ZMIZ1: variants seen among roughly 807,000 people sequenced by gnomAD.
ZMIZ1 encodes zinc finger MIZ-type containing 1.
ZMIZ1 carries 17 observed loss-of-function variants against 113.9 expected under a neutral mutation model. The observed-to-expected ratio is 0.15, with a 90% CI of 0.10 to 0.22. The LOEUF is 0.22. Among genes scored for constraint, ZMIZ1 ranks in the 10% least tolerant of loss-of-function variants. The pLI is 1.00. For missense variants in ZMIZ1, 1,059 were observed against 1,477.8 expected, an observed-to-expected ratio of 0.72 and a Z score of 4.65; for synonymous variants, 607 against 603.1, an observed-to-expected ratio of 1.01 and a Z score of -0.09.
chr10:79,105,381 C>T (rs1305684784), intron 1 of ZMIZ1, among the ~76,000 whole-genome samples: 1 of 152,246 alleles, frequency 6.6e-6, no homozygotes, highest in Middle Eastern at 3.2e-3. Flanking sequence ...GCCATTGGCC[C>T]ACCTCTCTGA....
intron 3 of ZMIZ1, among the ~76,000 whole-genome samples, chr10:79,150,216 C>T (rs1353362343): frequency 2.0e-5 from 3 of 152,234 alleles, no homozygotes; most frequent in South Asian, 2.1e-4. Flanking sequence ...GGCCACCCGC[C>T]CACCCAACAG....
At chr10:79,120,776 T>G (rs754478257) in intron 2 of ZMIZ1, among the ~76,000 whole-genome samples, 4 of 152,236 alleles carry the variant, frequency 2.6e-5, no homozygotes, top group Non-Finnish European at 5.9e-5. Context: ...ATGTGGGGGC[T>G]GTTCCTCTCC....
chr10:79,108,046 G>A (rs1843619011), intron 1 of ZMIZ1, among the ~76,000 whole-genome samples: 1 of 152,190 alleles, frequency 6.6e-6, no homozygotes. Context: ...ACAGTCACCA[G>A]TGATCTGCTT....
intron 4 of ZMIZ1, among the ~76,000 whole-genome samples, chr10:79,166,270 C>T (rs543923215): frequency 5.3e-5 from 8 of 152,356 alleles, no homozygotes; most frequent in African/African-American, 1.9e-4. Flanking sequence ...GCCACTGTGT[C>T]ACTGCTTCTT....
At chr10:79,077,425 G>A (rs1842509564) in intron 1 of ZMIZ1, among the ~76,000 whole-genome samples, 1 of 151,952 alleles carries the variant, frequency 6.6e-6, no homozygotes, top group Non-Finnish European at 1.5e-5. Context: ...CCAGAGAGGT[G>A]GTGGGATTGG....
At chr10:79,258,148 G>A (rs1851037836) in intron 7 of ZMIZ1, among the ~76,000 whole-genome samples, 2 of 152,212 alleles carry the variant, frequency 1.3e-5, no homozygotes, top group Non-Finnish European at 1.5e-5. Context: ...TTGGGAGGCT[G>A]AGACAGGAGG....
intron 1 of ZMIZ1, among the ~76,000 whole-genome samples, chr10:79,099,220 G>T (rs1391993998): frequency 6.6e-6 from 1 of 152,086 alleles, no homozygotes. Flanking sequence ...TCACTGTGGT[G>T]CACCTGCTGG....
At chr10:79,150,054 C>T (rs1845650813) in intron 3 of ZMIZ1, among the ~76,000 whole-genome samples, 1 of 152,212 alleles carries the variant, frequency 6.6e-6, no homozygotes, top group Non-Finnish European at 1.5e-5. Flanking sequence ...CTCCCTCTCC[C>T]CTGGGCTGGG....
intron 4 of ZMIZ1, among the ~76,000 whole-genome samples, chr10:79,184,555 C>G (rs954394767): frequency 1.3e-5 from 2 of 152,212 alleles, no homozygotes; most frequent in African/African-American, 4.8e-5. Flanking sequence ...TGCAATCACC[C>G]GCCCCCTCTC....
intron 1 of ZMIZ1, among the ~76,000 whole-genome samples, chr10:79,070,419 C>T (rs1842224616): frequency 6.7e-6 from 1 of 149,570 alleles, no homozygotes; most frequent in African/African-American, 2.4e-5. Flanking sequence ...GAGACTGCCC[C>T]GGAGCCGCCG....
At chr10:79,230,773 A>C (rs1028830367) in intron 7 of ZMIZ1, among the ~76,000 whole-genome samples, 1 of 152,240 alleles carries the variant, frequency 6.6e-6, no homozygotes, top group African/African-American at 2.4e-5. Flanking sequence ...GAGGATGTGC[A>C]GGTGGCCCAG....
chr10:79,192,534 C>G (rs529929079), intron 4 of ZMIZ1, among the ~76,000 whole-genome samples: 2 of 152,346 alleles, frequency 1.3e-5, no homozygotes, highest in African/African-American at 2.4e-5. Flanking sequence ...CATCTGAACT[C>G]TGGTGGGGCA....
intron 17 of ZMIZ1, 39 bp from the exon 18 acceptor site, chr10:79,302,068 A>G: frequency 1.2e-6 from 2 of 1,601,592 alleles, no homozygotes; most frequent in Non-Finnish European, 1.7e-6. Flanking sequence ...GGGTGTGGGG[A>G]CAGTGCACAG....
At chr10:79,195,825 G>T (rs141407362) in intron 4 of ZMIZ1, among the ~76,000 whole-genome samples, 1 of 152,236 alleles carries the variant, frequency 6.6e-6, no homozygotes, top group Non-Finnish European at 1.5e-5. Flanking sequence ...CAGCTGGAAA[G>T]GTAGAGGGTT....
intron 7 of ZMIZ1, among the ~76,000 whole-genome samples, chr10:79,272,195 A>G (rs1458322869): frequency 1.3e-5 from 2 of 152,118 alleles, no homozygotes; most frequent in East Asian, 3.8e-4. Flanking sequence ...CTGAGGCACA[A>G]GAATCGCTTG....
intron 3 of ZMIZ1, among the ~76,000 whole-genome samples, chr10:79,142,900 C>T (rs911705663): frequency 6.6e-6 from 1 of 152,252 alleles, no homozygotes; most frequent in Non-Finnish European, 1.5e-5. Flanking sequence ...CCCTATTGAG[C>T]ACCTGAGCAT....
chr10:79,073,273 C>T (rs908916707), intron 1 of ZMIZ1, among the ~76,000 whole-genome samples: 3 of 152,212 alleles, frequency 2.0e-5, no homozygotes, highest in South Asian at 4.1e-4. Context: ...GGGCATGAGT[C>T]CCCTAGGCAT....
chr10:79,296,441 GT>G lies in ZMIZ1; in HGVS notation c.1231-27del, dbSNP rs1853894692. 6.2e-7 allele frequency: 1 copy of G among 1,612,404 alleles called. No individual in the cohort carries two copies. Among genetic ancestry groups the G allele is most frequent in the Non-Finnish European group, 8.5e-7 (1 of 1,178,948 alleles). ...ATGTGACGTTGGCAACATTGAACGTGTTTCCCCTCTCCTTTCTCTCCCACCA... is the reference window on the plus strand; with the variant it reads ...ATGTGACGTTGGCAACATTGAACGTGTTCCCCTCTCCTTTCTCTCCCACCA... On this transcript the variant is annotated intron_variant, in intron 12 of 24. Coordinates refer to ENST00000334512, the MANE Select transcript of ZMIZ1 (RefSeq NM_020338.4). This position sits in a 1 kb window ranked among gnomAD's most constrained non-coding sequence, Gnocchi z 4.1.
At chr10:79,140,700 T>A (rs1239669939) in intron 3 of ZMIZ1, among the ~76,000 whole-genome samples, 1 of 152,078 alleles carries the variant, frequency 6.6e-6, no homozygotes, top group Non-Finnish European at 1.5e-5. Flanking sequence ...CATCCACCCA[T>A]CTATTTACTC....
Sources: allele counts gnomAD v4.1 joint callset (sites outside exome capture counted in the v4.1 genomes callset), GRCh38; gene constraint gnomAD v4.1.1; non-coding constraint Gnocchi (gnomAD v3.1); transcripts MANE v1.5; gene names NCBI Gene and HGNC (gene_info 2026-07-23, HGNC 2026-07-21).